The following TENM3 variants were observed in gnomAD, a reference collection of about 807,000 sequenced individuals.
The protein encoded by TENM3 is teneurin-3.
In TENM3, 63 loss-of-function variants were observed where a neutral mutation model predicts 255.1. That is an observed-to-expected ratio of 0.25 (90% CI 0.20 to 0.30). The LOEUF is 0.30. TENM3 is among the 10% of genes least tolerant of loss of function. The pLI, the probability that TENM3 is intolerant of heterozygous loss-of-function variation, is 1.00. For missense variants in TENM3, 2,929 were observed against 3,461.1 expected, an observed-to-expected ratio of 0.85 and a Z score of 3.86; for synonymous variants, 1,306 against 1,322.3, an observed-to-expected ratio of 0.99 and a Z score of 0.27.
chr4:181,857,551 C>CAAAAAAAAAAAAAAAAAAAAAAAAAA, the TENM3 span, among the ~76,000 whole-genome samples: 5 of 104,782 alleles, frequency 4.8e-5, no homozygotes, highest in African/African-American at 9.8e-5. Flanking sequence ...CCTGTCTCTA[C>CAAAAAAAAAAAAAAAAAAAAAAAAAA]AAAAAAAAAA....
chr4:182,286,057 G>A (rs1355395311), intron 1 of TENM3, among the ~76,000 whole-genome samples: 3 of 152,102 alleles, frequency 2.0e-5, no homozygotes, highest in African/African-American at 2.4e-5. Context: ...AACTGTTCAC[G>A]CAGTACCCCA....
At chr4:182,106,480 A>G in the TENM3 span, among the ~76,000 whole-genome samples, 2 of 152,282 alleles carry the variant, frequency 1.3e-5, no homozygotes, top group East Asian at 1.9e-4. Flanking sequence ...CCAAAAAATA[A>G]AACAAAGAAA....
chr4:181,468,845 T>G, the TENM3 span, among the ~76,000 whole-genome samples: 1 of 152,252 alleles, frequency 6.6e-6, no homozygotes, highest in Non-Finnish European at 1.5e-5. Flanking sequence ...ATCCTCAGCT[T>G]TCCTCACAAA....
chr4:181,597,469 C>A, the TENM3 span, among the ~76,000 whole-genome samples: 1 of 151,004 alleles, frequency 6.6e-6, no homozygotes, highest in Admixed American at 6.6e-5. Context: ...TGTATATTAT[C>A]TTTTATTAAA....
At chr4:182,521,768 G>A (rs191632956) in intron 3 of TENM3, among the ~76,000 whole-genome samples, 2 of 152,198 alleles carry the variant, frequency 1.3e-5, no homozygotes, top group Admixed American at 1.3e-4. Context: ...TTCAGCATAT[G>A]GCTTATTTTT....
chr4:181,463,800 C>T, the TENM3 span, among the ~76,000 whole-genome samples: 1 of 152,120 alleles, frequency 6.6e-6, no homozygotes, highest in Non-Finnish European at 1.5e-5. Flanking sequence ...TTAGCAGTCA[C>T]TTTTCATCAT....
At chr4:182,680,405 G>T in intron 9 of TENM3, 56 bp downstream of exon 9, 2 of 1,316,480 alleles carry the variant, frequency 1.5e-6, no homozygotes, top group South Asian at 1.2e-5. Flanking sequence ...AGAAACACAA[G>T]TGATTCCAAA....
intron 3 of TENM3, among the ~76,000 whole-genome samples, chr4:182,354,783 A>G (rs1271811038): frequency 6.6e-6 from 1 of 152,218 alleles, no homozygotes; most frequent in Non-Finnish European, 1.5e-5. Context: ...AGAAATGCGT[A>G]TACACTTAAG....
the TENM3 span, among the ~76,000 whole-genome samples, chr4:181,992,876 T>G: frequency 6.6e-6 from 1 of 152,160 alleles, no homozygotes; most frequent in Non-Finnish European, 1.5e-5. Flanking sequence ...ACAGATAAAA[T>G]GTACTATTTA....
chr4:182,724,251 G>C (rs1759988384), intron 13 of TENM3, among the ~76,000 whole-genome samples: 1 of 152,236 alleles, frequency 6.6e-6, no homozygotes, highest in Non-Finnish European at 1.5e-5. Flanking sequence ...AACTAAAATG[G>C]AATCTCGATG....
intron 3 of TENM3, among the ~76,000 whole-genome samples, chr4:182,401,054 A>G (rs907282821): frequency 3.9e-5 from 6 of 152,192 alleles, no homozygotes; most frequent in Admixed American, 1.3e-4. Context: ...TATAGCCAGA[A>G]CATTCCTGCT....
In TENM3 at chr4:182,799,788, G is replaced by C. The variant is rs757147010; in HGVS notation, c.7537G>C (p.Val2513Leu). 3.1e-6 allele frequency: 5 copies of C among 1,601,154 alleles called. No homozygotes were observed. The highest frequency in any genetic ancestry group is 4.3e-6 in the Non-Finnish European group (5 of 1,174,390). ...CAGCCAGGGCCGCGTGCAGACCAAC[G>C]TGCTCAACATCGCCAACGAGGACTG... The part of the protein sequence containing the change: ...AVSQGRVQTN[V>L]LNIANEDCIK... The change falls in exon 28 of 28, where the codon GTG (valine) becomes CTG (leucine). Residue 2513 changes from valine (V) to leucine (L), a missense_variant. Transcript: ENST00000511685. The surrounding 1 kb of genome is among the most constrained non-coding windows in gnomAD (Gnocchi z 4.2).
chr4:182,059,651 G>A, the TENM3 span, among the ~76,000 whole-genome samples: 52 of 144,014 alleles, frequency 3.6e-4, no homozygotes, highest in East Asian at 8.8e-3. Context: ...GCTCATGCCT[G>A]TAATCCCAAC....
the TENM3 span, among the ~76,000 whole-genome samples, chr4:181,463,600 T>C: frequency 1.3e-5 from 2 of 152,184 alleles, no homozygotes; most frequent in African/African-American, 4.8e-5. Context: ...GATTTTTGGT[T>C]GTTGTCATTG....
chr4:182,608,403 T>C (rs79371790), intron 4 of TENM3, among the ~76,000 whole-genome samples: 4,675 of 152,218 alleles, frequency 0.031, 144 homozygotes, highest in African/African-American at 0.078. Context: ...GGACTACAGG[T>C]GTGGCATGGT....
chr4:181,698,087 G>A, the TENM3 span, among the ~76,000 whole-genome samples: 11 of 151,744 alleles, frequency 7.2e-5, no homozygotes, highest in Admixed American at 1.3e-4. Context: ...GGTGGCAGGC[G>A]CTTGTAGTCC....
chr4:182,742,464 T>C (rs1045224405), intron 18 of TENM3, among the ~76,000 whole-genome samples: 1 of 152,184 alleles, frequency 6.6e-6, no homozygotes, highest in Non-Finnish European at 1.5e-5. Flanking sequence ...TGGATGAGAG[T>C]GTACGCAGGA....
At chr4:181,959,477 GA>G in the TENM3 span, among the ~76,000 whole-genome samples, 1 of 152,206 alleles carries the variant, frequency 6.6e-6, no homozygotes, top group Non-Finnish European at 1.5e-5. Context: ...AAAGAGTAGG[GA>G]GGAAGAGAGA....
intron 5 of TENM3, among the ~76,000 whole-genome samples, chr4:182,638,313 C>G (rs1024006409): frequency 2.6e-5 from 4 of 152,136 alleles, no homozygotes; most frequent in African/African-American, 9.7e-5. Flanking sequence ...TTCATGAGTA[C>G]TCAATCTGTT....
Sources: gnomAD v4.1 joint callset for allele counts (sites outside exome capture counted in the v4.1 genomes callset) on GRCh38, gnomAD v4.1.1 for gene constraint, Gnocchi (gnomAD v3.1) non-coding constraint, MANE v1.5 for transcripts, NCBI Gene and HGNC (gene_info 2026-07-23, HGNC 2026-07-21) for gene names.